The following SYNCRIP variants were observed in gnomAD, a reference collection of about 807,000 sequenced individuals.
The protein encoded by SYNCRIP is synaptotagmin binding cytoplasmic RNA interacting protein.
Under a neutral mutation model 68.9 loss-of-function variants are expected in SYNCRIP, and 9 were observed. The ratio of observed to expected loss-of-function variants is 0.13; its 90% confidence interval spans 0.08 to 0.23. The LOEUF (loss-of-function observed/expected upper bound fraction) is 0.23. Ranked by LOEUF, SYNCRIP falls within the 10% of genes least tolerant of loss-of-function variation. The probability of loss-of-function intolerance (pLI) is 1.00; values close to 1 mark genes in which losing one functional copy is unlikely to be tolerated. For synonymous variants in SYNCRIP, 258 were observed against 254.0 expected (o/e 1.02, Z -0.15); for missense variants, 414 against 770.6 (o/e 0.54, Z 5.48).
intron 2 of SYNCRIP, 69 bp from the exon 3 acceptor site, chr6:85,640,633 C>A: frequency 1.1e-6 from 1 of 909,216 alleles, no homozygotes; most frequent in Admixed American, 2.8e-5. Flanking sequence ...ACTATGTTGG[C>A]AATACAGGTA....
chr6:85,613,564 C>A (rs1805438614), downstream of SYNCRIP, among the ~76,000 whole-genome samples: 1 of 152,126 alleles, frequency 6.6e-6, no homozygotes, highest in Admixed American at 6.5e-5. Context: ...CAAAACAAGA[C>A]TAAAATGTGA....
chr6:85,627,428 A>G (rs1807186942), intron 6 of SYNCRIP, among the ~76,000 whole-genome samples: 1 of 152,142 alleles, frequency 6.6e-6, no homozygotes, highest in Admixed American at 6.6e-5. Flanking sequence ...TTCCGGAAGC[A>G]ACACCCCATC....
At chr6:85,624,771 C>T (rs1449820357) in intron 6 of SYNCRIP, among the ~76,000 whole-genome samples, 1 of 152,198 alleles carries the variant, frequency 6.6e-6, no homozygotes, top group Non-Finnish European at 1.5e-5. Flanking sequence ...CAAAAAGCAA[C>T]ATGTCAAAGT....
chr6:85,631,071 G>A (rs1246265612), intron 6 of SYNCRIP, among the ~76,000 whole-genome samples: 1 of 152,040 alleles, frequency 6.6e-6, no homozygotes, highest in Non-Finnish European at 1.5e-5. Flanking sequence ...GGCTGGGCAC[G>A]GTGGCTCACG....
At chr6:85,608,740 T>A (rs2128272487) in exon 12 of SYNCRIP, 1 of 152,136 alleles carries the variant, frequency 6.6e-6, no homozygotes, top group East Asian at 1.9e-4. Context: ...AAAAACCTAA[T>A]CTTTGACCCA....
chr6:85,637,744 A>C (rs1808622040), intron 4 of SYNCRIP, among the ~76,000 whole-genome samples: 1 of 152,314 alleles, frequency 6.6e-6, no homozygotes, highest in East Asian at 1.9e-4. Flanking sequence ...TCACCCAATA[A>C]ATTCCCTATA....
intron 3 of SYNCRIP, 54 bp downstream of exon 3, chr6:85,640,390 CAG>C (rs990870652): frequency 3.5e-5 from 55 of 1,578,208 alleles, no homozygotes; most frequent in African/African-American, 3.3e-4. Flanking sequence ...TAAAATTCAG[CAG>C]ATAGTATCAA....
chr6:85,615,395 T>A, intron 10 of SYNCRIP, 48 bp from the exon 11 acceptor site: 1 of 1,285,198 alleles, frequency 7.8e-7, no homozygotes, highest in Non-Finnish European at 1.0e-6. Context: ...ATTACTTAGT[T>A]AACAAGTAGG....
Position 85,618,947 on chromosome 6 carries a change from A to T in SYNCRIP, c.1159-8T>A, listed in dbSNP as rs372051238. The T allele has an allele frequency of 6.2e-7, 1 of 1,602,982 alleles. No individual in the cohort carries two copies. The highest frequency in any genetic ancestry group is 8.5e-7 in the Non-Finnish European group (1 of 1,174,856). ...ATTCATTTCTTCCATAGCCTTAAAA[A>T]ATTAGATAAGTCAATATAAAAATAG... On this transcript the variant is annotated splice_polypyrimidine_tract_variant and splice_region_variant and intron_variant, in intron 9 of 10. Coordinates refer to ENST00000369622, the MANE Select transcript of SYNCRIP (RefSeq NM_006372.5).
intron 6 of SYNCRIP, among the ~76,000 whole-genome samples, chr6:85,636,394 C>T (rs546711984): frequency 1.3e-5 from 2 of 150,518 alleles, no homozygotes; most frequent in Admixed American, 6.6e-5. Context: ...TGCAGTGAGC[C>T]GAAATCATGC....
Position 85,614,997 on chromosome 6 carries a change from T to G in SYNCRIP, c.1631A>C (p.Gln544Pro). 1.2e-6 allele frequency: 2 copies of G among 1,613,676 alleles called. No homozygotes were observed. Among genetic ancestry groups the G allele is most frequent in the South Asian group, 2.2e-5 (2 of 91,042 alleles). Residue 544 changes from glutamine (Q) to proline (P), a missense_variant, in exon 11 of 11, where the codon CAA becomes CCA. Coordinates refer to ENST00000369622, the MANE Select transcript of SYNCRIP (RefSeq NM_006372.5). ...GVRGARGGAQ[Q>P]QRGRGVRGAR... is the part of the protein sequence containing the mutation. ...ACCACGTACCCCGCGGCCTCTTTGT[T>G]GTTGGGCACCTCCTCTCGCACCTCG...
At chr6:85,615,501 A>C (rs1368089859) in intron 10 of SYNCRIP, among the ~76,000 whole-genome samples, 154 bp from the exon 11 acceptor site, 2 of 152,242 alleles carry the variant, frequency 1.3e-5, no homozygotes, top group African/African-American at 4.8e-5. Context: ...AAGTTTTAGT[A>C]GTAGTAATGA....
chr6:85,613,858 G>A, downstream of SYNCRIP: 1 of 537,700 alleles, frequency 1.9e-6, no homozygotes, highest in South Asian at 8.1e-5. Context: ...TAAACTTTAG[G>A]CAACTGAAAG....
chr6:85,638,920 C>A (rs1419844906), intron 4 of SYNCRIP, among the ~76,000 whole-genome samples: 2 of 152,130 alleles, frequency 1.3e-5, no homozygotes, highest in East Asian at 3.9e-4. Context: ...CTCATTGAAA[C>A]TGTAAGCAGC....
intron 6 of SYNCRIP, among the ~76,000 whole-genome samples, chr6:85,631,612 A>T (rs561736064): frequency 6.6e-6 from 1 of 152,232 alleles, no homozygotes; most frequent in South Asian, 2.1e-4. Flanking sequence ...AAGAAGATAA[A>T]AAGTGTTAGA....
intron 6 of SYNCRIP, among the ~76,000 whole-genome samples, chr6:85,634,266 A>ATGGATTATAATC (rs1399615013): frequency 2.6e-5 from 4 of 152,346 alleles, no homozygotes; most frequent in Admixed American, 2.6e-4. Context: ...ATGGATTATA[A>ATGGATTATAATC]ACCATCTTCC....
rs573298342 is a variant in SYNCRIP, at chr6:85,633,176, A to T, written c.666+3791T>A. Reference sequence around the variant, plus strand: ...GAGGCTGAGGCAGGAGAATGGCGTGAACCCGGGAGGCAGAGCTTGCAGTGA... The same window carrying T: ...GAGGCTGAGGCAGGAGAATGGCGTGTACCCGGGAGGCAGAGCTTGCAGTGA... On this transcript the variant is annotated intron_variant, in intron 6 of 10. Transcript: ENST00000369622. Among the ~76,000 whole-genome samples the T allele has an allele frequency of 2.7e-4, 41 of 151,972 alleles. No homozygotes were observed. The Middle Eastern group carries it at 0.01, about 38-fold the overall frequency.
chr6:85,630,131 A>G (rs1807557837), intron 6 of SYNCRIP, among the ~76,000 whole-genome samples: 1 of 151,978 alleles, frequency 6.6e-6, no homozygotes, highest in South Asian at 2.1e-4. Context: ...GGAGGCTGAG[A>G]CAGGCGGATC....
rs187924199 is a variant in SYNCRIP at position 85,616,190 on chromosome 6, C to T, written c.1281-843G>A. On this transcript the variant is annotated intron_variant, in intron 10 of 10. Transcript: ENST00000369622. ...AGTTACAATATTCCAACTCATGTTCCCTACAGTACAATTTTATACAATTCC... is the reference window on the plus strand; with the variant it reads ...AGTTACAATATTCCAACTCATGTTCTCTACAGTACAATTTTATACAATTCC... Among the ~76,000 whole-genome samples, 57 of 152,274 alleles carry T rather than the reference C, an allele frequency of 3.7e-4. 1 individual carries two copies. Among genetic ancestry groups the T allele is most frequent in the Admixed American group, 3.3e-3 (50 of 15,300 alleles).
Sources: gnomAD v4.1 joint callset for allele counts (sites outside exome capture counted in the v4.1 genomes callset) on GRCh38, gnomAD v4.1.1 for gene constraint, MANE v1.5 for transcripts, NCBI Gene and HGNC (gene_info 2026-07-23, HGNC 2026-07-21) for gene names.